The following ZC3H12B variants were observed in gnomAD, a reference collection of about 807,000 sequenced individuals.
The protein encoded by ZC3H12B is zinc finger CCCH-type containing 12B.
Under a neutral mutation model 43.9 loss-of-function variants are expected in ZC3H12B, and 7 were observed. That is an observed-to-expected ratio of 0.16 (90% CI 0.09 to 0.30). ZC3H12B has a LOEUF of 0.30. Ranked by LOEUF, ZC3H12B falls within the 10% of genes least tolerant of loss-of-function variation. ZC3H12B has a pLI of 1.00. For synonymous variants in ZC3H12B, 222 were observed against 241.7 expected (o/e 0.92, Z 0.76); for missense variants, 475 against 670.2 (o/e 0.71, Z 3.22).
At chrX:65,319,193 G>A in the ZC3H12B span, among the ~76,000 whole-genome samples, 1 of 110,126 alleles carries the variant, frequency 9.1e-6, no homozygotes, top group African/African-American at 3.3e-5. Flanking sequence ...ATTAATAAAG[G>A]GAAAAAAGAG....
chrX:65,308,079 T>C, the ZC3H12B span, among the ~76,000 whole-genome samples: 1 of 111,575 alleles, frequency 9.0e-6, no homozygotes, highest in African/African-American at 3.3e-5. Flanking sequence ...TACTACAAGA[T>C]ACATGTTTTT....
chrX:65,244,386 A>C, the ZC3H12B span, among the ~76,000 whole-genome samples: 1 of 110,878 alleles, frequency 9.0e-6, no homozygotes, highest in Non-Finnish European at 1.9e-5. Flanking sequence ...TGAAGTGAGC[A>C]TATGCTCTTG....
chrX:65,138,352 CTTATT>C, the ZC3H12B span, among the ~76,000 whole-genome samples: 19 of 111,151 alleles, frequency 1.7e-4, no homozygotes, highest in Non-Finnish European at 3.4e-4. Flanking sequence ...TTTTGCCTGG[CTTATT>C]TTATTTAACA....
exon 5 of ZC3H12B, chrX:65,502,672 C>G (rs1010742248): frequency 1.7e-6 from 2 of 1,207,588 alleles, no homozygotes; most frequent in Non-Finnish European, 2.2e-6. Context: ...CAGTCCCCCA[C>G]TTAGCTCTGC....
At chrX:65,470,790 A>G (rs1054278677) in intron 3 of ZC3H12B, among the ~76,000 whole-genome samples, 9 of 111,827 alleles carry the variant, frequency 8.0e-5, no homozygotes, top group African/African-American at 2.6e-4. Context: ...TTTAACCCAA[A>G]AATCATTCAG....
At chrX:65,103,565 T>A in the ZC3H12B span, among the ~76,000 whole-genome samples, 1 of 111,304 alleles carries the variant, frequency 9.0e-6, no homozygotes, top group Non-Finnish European at 1.9e-5. Flanking sequence ...ATCACAAGAG[T>A]ATTGATTATG....
chrX:65,160,489 G>T, the ZC3H12B span, among the ~76,000 whole-genome samples: 2 of 111,638 alleles, frequency 1.8e-5, no homozygotes, highest in Non-Finnish European at 3.8e-5. Context: ...TTTAGTCTTG[G>T]GAGGTTGTAT....
chrX:65,243,023 T>G, the ZC3H12B span, among the ~76,000 whole-genome samples: 1 of 111,629 alleles, frequency 9.0e-6, no homozygotes. Flanking sequence ...ACTATAAAAC[T>G]AGAAGAAAAC....
the ZC3H12B span, among the ~76,000 whole-genome samples, chrX:65,304,100 G>T: frequency 1.8e-5 from 2 of 112,235 alleles, no homozygotes; most frequent in Admixed American, 9.5e-5. Context: ...GGAAAATAGT[G>T]TAAAGTTATA....
the ZC3H12B span, among the ~76,000 whole-genome samples, chrX:65,306,376 A>AT: frequency 3.6e-5 from 4 of 111,060 alleles, no homozygotes; most frequent in African/African-American, 1.3e-4. Context: ...TTATTTATGT[A>AT]TTATTTTTTT....
At chrX:65,236,695 C>A in the ZC3H12B span, among the ~76,000 whole-genome samples, 1 of 112,060 alleles carries the variant, frequency 8.9e-6, no homozygotes, top group Non-Finnish European at 1.9e-5. Context: ...ACATTTAAGT[C>A]TTTACTCCAT....
At chrX:65,054,451 C>G in the ZC3H12B span, among the ~76,000 whole-genome samples, 1 of 111,202 alleles carries the variant, frequency 9.0e-6, no homozygotes, top group Non-Finnish European at 1.9e-5. Context: ...GGGCTCTGTT[C>G]TGTTCCATTG....
the ZC3H12B span, among the ~76,000 whole-genome samples, chrX:65,151,324 A>G: frequency 8.9e-6 from 1 of 112,174 alleles, no homozygotes; most frequent in Admixed American, 9.5e-5. Flanking sequence ...TGTTCAACGG[A>G]AAATATCTGT....
chrX:65,057,191 C>A, the ZC3H12B span, among the ~76,000 whole-genome samples: 1 of 111,920 alleles, frequency 8.9e-6, no homozygotes, highest in Non-Finnish European at 1.9e-5. Context: ...ATGGTCTTTA[C>A]AATTTGGCAT....
At chrX:65,203,207 C>A in the ZC3H12B span, among the ~76,000 whole-genome samples, 4 of 112,233 alleles carry the variant, frequency 3.6e-5, no homozygotes, top group Non-Finnish European at 7.5e-5. Flanking sequence ...CTGAGGACTC[C>A]AGGAGCTGCT....
chrX:65,051,578 A>T, the ZC3H12B span, among the ~76,000 whole-genome samples: 1 of 112,116 alleles, frequency 8.9e-6, no homozygotes, highest in Non-Finnish European at 1.9e-5. Context: ...TAAAAAGCAT[A>T]TGAACAAAGA....
At chrX:65,405,684 A>G (rs1434134043) in intron 3 of ZC3H12B, among the ~76,000 whole-genome samples, 2 of 112,070 alleles carry the variant, frequency 1.8e-5, no homozygotes, top group Non-Finnish European at 3.8e-5. Context: ...GAGGAAAATA[A>G]TACAAAAGAT....
chrX:65,038,880 A>T, the ZC3H12B span, among the ~76,000 whole-genome samples: 327 of 111,718 alleles, frequency 2.9e-3, 2 homozygotes, highest in African/African-American at 0.01. Flanking sequence ...CTAAACTATG[A>T]TCTTTATTAT....
chrX:65,139,622 A>AT, the ZC3H12B span, among the ~76,000 whole-genome samples: 26,699 of 110,976 alleles, frequency 0.24, 7,692 homozygotes, highest in African/African-American at 0.83. Flanking sequence ...CTATGAAAAA[A>AT]GTCATTGAAA....
Sources: gnomAD v4.1 joint callset for allele counts (sites outside exome capture counted in the v4.1 genomes callset) on GRCh38, gnomAD v4.1.1 for gene constraint, MANE v1.5 for transcripts, NCBI Gene and HGNC (gene_info 2026-07-23, HGNC 2026-07-21) for gene names.